The following ABR variants were observed in gnomAD, a reference collection of about 807,000 sequenced individuals.
ABR encodes the protein ABR activator of RhoGEF and GTPase, also known as active breakpoint cluster region-related protein.
A neutral mutation model predicts 107.2 loss-of-function variants in ABR; 35 were observed. That is an observed-to-expected ratio of 0.33 (90% CI 0.25 to 0.43). ABR has a LOEUF of 0.43. Among genes scored for constraint, ABR ranks in the 20% least tolerant of loss-of-function variants. The pLI is 1.00. For synonymous variants in ABR, 498 were observed against 462.0 expected, an observed-to-expected ratio of 1.08 and a Z score of -1.00; for missense variants, 815 against 1,115.2, an observed-to-expected ratio of 0.73 and a Z score of 3.83.
At chr17:1,146,562 C>G (rs1196372498) in intron 1 of ABR, among the ~76,000 whole-genome samples, 2 of 152,062 alleles carry the variant, frequency 1.3e-5, no homozygotes, top group Non-Finnish European at 2.9e-5. Flanking sequence ...CAGTTACACC[C>G]AAGTCCCTTC....
intron 6 of ABR, among the ~76,000 whole-genome samples, chr17:1,076,351 A>G (rs377328806): frequency 1.3e-5 from 2 of 152,130 alleles, no homozygotes; most frequent in South Asian, 2.1e-4. Context: ...CCCAGGTCCT[A>G]GCTCAGGTGG....
intron 16 of ABR, among the ~76,000 whole-genome samples, chr17:1,047,035 G>A (rs1019086997): frequency 2.0e-5 from 3 of 152,230 alleles, no homozygotes; most frequent in African/African-American, 7.2e-5. Context: ...CCCAGAGTGG[G>A]GGCCTCATCA....
At chr17:1,103,090 A>G (rs193093117) in intron 2 of ABR, among the ~76,000 whole-genome samples, 188 of 152,290 alleles carry the variant, frequency 1.2e-3, no homozygotes, top group African/African-American at 4.2e-3. Flanking sequence ...TTGTTTCAGC[A>G]GCATTAGAAA....
At chr17:1,108,489 T>C (rs553623195) in intron 2 of ABR, among the ~76,000 whole-genome samples, 24 of 152,382 alleles carry the variant, frequency 1.6e-4, no homozygotes, top group African/African-American at 5.8e-4. Context: ...CCAGTGCTTT[T>C]CCTTCAAGGA....
intron 2 of ABR, among the ~76,000 whole-genome samples, chr17:1,122,797 T>G (rs2039409246): frequency 6.6e-6 from 1 of 152,242 alleles, no homozygotes; most frequent in Non-Finnish European, 1.5e-5. Flanking sequence ...TTGGTTTTGT[T>G]TCTCTAGAGA....
intron 1 of ABR, among the ~76,000 whole-genome samples, chr17:1,198,241 C>T (rs1400262605): frequency 6.6e-6 from 1 of 151,558 alleles, no homozygotes; most frequent in Non-Finnish European, 1.5e-5. Flanking sequence ...TCCTTCCAGG[C>T]CCACAAACAA....
rs111606148 is a variant in ABR at position 1,099,368 on chromosome 17, G to A, written c.345+1269C>T. Among the ~76,000 whole-genome samples the A allele has an allele frequency of 3.3e-3, 499 of 152,234 alleles. 3 individuals are homozygous for A. The highest frequency in any genetic ancestry group is 0.011 in the African/African-American group (457 of 41,546). On this transcript the variant is annotated intron_variant, in intron 3 of 22. Transcript: ENST00000302538. ...GGGATTACAGGCACTGAGCCACGGC[G>A]CCCGGCCTGCACCTGCACATTTACA...
At chr17:1,205,039 G>A (rs1055996132) in intron 1 of ABR, among the ~76,000 whole-genome samples, 1 of 151,488 alleles carries the variant, frequency 6.6e-6, no homozygotes, top group African/African-American at 2.4e-5. Context: ...AAGTAGCTGG[G>A]ATAACGGGTG....
intron 1 of ABR, among the ~76,000 whole-genome samples, chr17:1,220,274 G>A (rs886818665): frequency 1.3e-5 from 2 of 149,028 alleles, no homozygotes; most frequent in Admixed American, 6.7e-5. Flanking sequence ...CTGGGCGACA[G>A]AGCGAGACTC....
intron 1 of ABR, among the ~76,000 whole-genome samples, chr17:1,132,555 T>G (rs2039893913): frequency 6.6e-6 from 1 of 151,948 alleles, no homozygotes; most frequent in Non-Finnish European, 1.5e-5. Context: ...ATTGTTGTAT[T>G]TTTAGTAAAG....
At chr17:1,174,674 C>T (rs961598417) in intron 1 of ABR, among the ~76,000 whole-genome samples, 1 of 152,154 alleles carries the variant, frequency 6.6e-6, no homozygotes, top group Non-Finnish European at 1.5e-5. Context: ...CAGATGGTCA[C>T]GTTCTGCCTT....
intron 18 of ABR, 200 bp downstream of exon 18, chr17:1,012,488 G>A (rs1330239330): frequency 5.7e-6 from 4 of 700,324 alleles, no homozygotes; most frequent in South Asian, 4.5e-5. Flanking sequence ...CAGCGTTTAG[G>A]TGCTGGCTCG....
At chr17:1,012,505 T>C (rs891444045) in intron 18 of ABR, 183 bp downstream of exon 18, 5 of 701,904 alleles carry the variant, frequency 7.1e-6, no homozygotes, top group Middle Eastern at 2.3e-4. Context: ...CTCGCGTGCT[T>C]CTGAAGTGTC....
At chr17:1,137,264 G>T (rs539630011) in intron 1 of ABR, among the ~76,000 whole-genome samples, 2 of 152,178 alleles carry the variant, frequency 1.3e-5, no homozygotes, top group African/African-American at 4.8e-5. Context: ...GGCTGGTCTT[G>T]AACTCCTGAC....
rs146332566 is a variant in ABR at position 1,070,382 on chromosome 17, G to A, written c.895-292C>T. On this transcript the variant is annotated intron_variant, in intron 8 of 22. Transcript: ENST00000302538. The surrounding 1 kb of genome is among the most constrained non-coding windows in gnomAD (Gnocchi z 4.2). ...GGTCTGCCTCATAAGGTGACTCATCGAGATGGTGCATGTGAAACAGCACAG... is the reference window on the plus strand; with the variant it reads ...GGTCTGCCTCATAAGGTGACTCATCAAGATGGTGCATGTGAAACAGCACAG... 2.6e-3 allele frequency among the ~76,000 whole-genome samples: 403 copies of A among 152,286 alleles called. 4 individuals carry two copies. The highest frequency in any genetic ancestry group is 9.4e-3 in the African/African-American group (390 of 41,556).
rs2040676442 is a variant in ABR, at chr17:1,148,963, G to A, written c.62-23596C>T. Reference sequence around the variant, plus strand: ...GTCACCCAGGCTGGAGTGCAGTGGCGCCATCTCGGCTCACTGCAAGCTCCG... The same window carrying A: ...GTCACCCAGGCTGGAGTGCAGTGGCACCATCTCGGCTCACTGCAAGCTCCG... On this transcript the variant is annotated intron_variant, in intron 1 of 22. Transcript: ENST00000302538. The surrounding 1 kb of genome is among the most constrained non-coding windows in gnomAD (Gnocchi z 4.9). Among the ~76,000 whole-genome samples the A allele has an allele frequency of 6.6e-6, 1 of 151,614 alleles. No homozygotes were observed. Among genetic ancestry groups the A allele is most frequent in the Non-Finnish European group, 1.5e-5 (1 of 67,900 alleles).
chr17:1,081,168 A>T (rs537107343), intron 5 of ABR, among the ~76,000 whole-genome samples: 2 of 152,324 alleles, frequency 1.3e-5, no homozygotes, highest in South Asian at 4.1e-4. Flanking sequence ...ATCTGAACAC[A>T]GACCAGGGGA....
intron 11 of ABR, 91 bp from the exon 12 acceptor site, chr17:1,058,136 C>CTTT (rs71148422): frequency 0.088 from 27,577 of 313,526 alleles, 915 homozygotes; most frequent in Admixed American, 0.12. Flanking sequence ...CTCCTTTTAT[C>CTTT]TTTTTTTTTT....
rs532845226 is a variant in ABR, at chr17:1,011,077, G to A, written c.2102-214C>T. 20 of 591,942 alleles carry A rather than the reference G, an allele frequency of 3.4e-5. No homozygotes were observed. The highest frequency in any genetic ancestry group is 3.4e-4 in the African/African-American group (18 of 53,696). 36.7% of individuals were successfully genotyped at this position (591,942 alleles called of 1,614,324 possible). On this transcript the variant is annotated intron_variant, in intron 19 of 22. Transcript: ENST00000302538. The surrounding 1 kb of genome is among the most constrained non-coding windows in gnomAD (Gnocchi z 4.8). ...AGAGATAGCCTGGGGGCCATCTGCT[G>A]TGGCTGCTTGGGAAAGGGTGTTTGG...
Sources: allele counts gnomAD v4.1 joint callset (sites outside exome capture counted in the v4.1 genomes callset), GRCh38; gene constraint gnomAD v4.1.1; non-coding constraint Gnocchi (gnomAD v3.1); transcripts MANE v1.5; gene names NCBI Gene and HGNC (gene_info 2026-07-23, HGNC 2026-07-21).